The following UGGT1 variants were observed in gnomAD, a reference collection of about 807,000 sequenced individuals.
UGGT1 encodes UDP-glucose:glycoprotein glucosyltransferase 1.
UGGT1 carries 107 observed loss-of-function variants against 203.9 expected under a neutral mutation model. The ratio of observed to expected loss-of-function variants is 0.52; its 90% CI spans 0.45 to 0.62. UGGT1 has a LOEUF of 0.62. UGGT1 is among the 20% of genes least tolerant of loss of function. The pLI is 0.00. For missense variants in UGGT1, 1,673 were observed against 1,867.2 expected (o/e 0.90, Z 1.92); for synonymous variants, 628 against 653.5 (o/e 0.96, Z 0.59).
intron 33 of UGGT1, among the ~76,000 whole-genome samples, chr2:128,178,253 A>G (rs1263690373): frequency 6.6e-6 from 1 of 152,190 alleles, no homozygotes; most frequent in Non-Finnish European, 1.5e-5. Context: ...GTCTCTTCCT[A>G]AAACAACACT....
At chr2:128,128,784 G>A (rs540219581) in intron 12 of UGGT1, among the ~76,000 whole-genome samples, 74 of 152,210 alleles carry the variant, frequency 4.9e-4, no homozygotes, top group African/African-American at 1.6e-3. Context: ...TGAGATAATT[G>A]TAAATACATA....
At chr2:128,145,742 G>A in intron 17 of UGGT1, 61 bp from the exon 18 acceptor site, 1 of 1,416,880 alleles carries the variant, frequency 7.1e-7, no homozygotes, top group South Asian at 1.7e-5. Context: ...AAAATATGCT[G>A]TGTTCCATTT....
rs1398136360 is a variant in UGGT1 at position 128,129,188 on chromosome 2, T to C, written c.1377+9T>C. 1.2e-6 allele frequency: 2 copies of C among 1,600,136 alleles called. No individual in the cohort carries two copies. ...GGAGTCCTGCTATTTCAGTGAGTAT[T>C]TTGTTAGGGTGATCAAAGGACTTTC... is the stretch of plus-strand genomic sequence containing the variant. On this transcript the variant is annotated intron_variant, in intron 13 of 40. Transcript: ENST00000259253.
At chr2:128,166,323 AT>A (rs1690786954) in intron 26 of UGGT1, among the ~76,000 whole-genome samples, 1 of 152,036 alleles carries the variant, frequency 6.6e-6, no homozygotes, top group South Asian at 2.1e-4. Context: ...ACACGGTCAT[AT>A]TTTTTCCTGC....
chr2:128,131,663 C>G (rs1688884614), intron 13 of UGGT1, among the ~76,000 whole-genome samples: 2 of 152,190 alleles, frequency 1.3e-5, no homozygotes, highest in Admixed American at 1.3e-4. Context: ...CAGTCTCGCT[C>G]TCTTGCCAGG....
At chr2:128,186,860 T>C in intron 39 of UGGT1, 61 bp downstream of exon 39, 1 of 1,165,150 alleles carries the variant, frequency 8.6e-7, no homozygotes, top group South Asian at 1.5e-5. Flanking sequence ...TGAATCACGA[T>C]TAATGATTTT....
At chr2:128,139,802 C>G (rs1689318224) in intron 16 of UGGT1, 1 of 153,178 alleles carries the variant, frequency 6.5e-6, no homozygotes, top group Middle Eastern at 3.1e-3. Flanking sequence ...GCTGCACCTG[C>G]TCCACCTGCT....
chr2:128,119,939 C>CA (rs1199794998), intron 8 of UGGT1, among the ~76,000 whole-genome samples: 2 of 150,948 alleles, frequency 1.3e-5, no homozygotes, highest in South Asian at 2.1e-4. Context: ...TTCTTTCTTT[C>CA]TTTTTTTCTT....
At chr2:128,172,511 CTG>C in intron 28 of UGGT1, 60 bp from the exon 29 acceptor site, 1 of 1,539,800 alleles carries the variant, frequency 6.5e-7, no homozygotes, top group Admixed American at 1.7e-5. Flanking sequence ...TGTGTAAGGG[CTG>C]TGCACTCAAG....
chr2:128,187,520 C>T lies in UGGT1; in HGVS notation c.4548C>T (p.Tyr1516=), dbSNP rs373943322. 37 of 1,614,040 alleles carry T rather than the reference C, an allele frequency of 2.3e-5. No homozygotes were observed. In the African/African-American group the frequency reaches 3.1e-4, roughly 13 times the overall value. ...AVRIVPEWQD[Y]DQEIKQLQIR... is the part of the protein sequence containing the mutation. ...GGATTGTCCCGGAGTGGCAGGACTACGACCAAGAGATCAAACAGCTACAGA... is the reference window on the plus strand; with the variant it reads ...GGATTGTCCCGGAGTGGCAGGACTATGACCAAGAGATCAAACAGCTACAGA... Residue 1516 remains tyrosine, a synonymous_variant, in exon 40 of 41, where the codon TAC becomes TAT. Coordinates refer to ENST00000259253, the MANE Select transcript of UGGT1 (RefSeq NM_020120.4).
chr2:128,143,061 G>T (rs750096994), intron 16 of UGGT1, 33 bp from the exon 17 acceptor site: 1 of 1,544,030 alleles, frequency 6.5e-7, no homozygotes, highest in East Asian at 2.4e-5. Context: ...GAACTTAAAA[G>T]TGTAGTTAAC....
At chr2:128,152,724 A>G in intron 18 of UGGT1, 60 bp from the exon 19 acceptor site, 3 of 1,563,064 alleles carry the variant, frequency 1.9e-6, no homozygotes, top group Non-Finnish European at 2.6e-6. Flanking sequence ...TTCCTAATGA[A>G]TTATTATTGC....
At chr2:128,124,659 C>T (rs1688527355) in intron 11 of UGGT1, among the ~76,000 whole-genome samples, 1 of 144,712 alleles carries the variant, frequency 6.9e-6, no homozygotes, top group African/African-American at 2.6e-5. Flanking sequence ...TTTTAAAAGT[C>T]TCTTCTTTCC....
chr2:128,114,213 G>GC (rs1229625374), intron 6 of UGGT1, among the ~76,000 whole-genome samples: 3 of 152,138 alleles, frequency 2.0e-5, no homozygotes, highest in Non-Finnish European at 2.9e-5. Context: ...CGCCTCCTGA[G>GC]TTCAAGTGAC....
intron 1 of UGGT1, among the ~76,000 whole-genome samples, chr2:128,092,605 C>CTTTTT (rs55814829): frequency 1.3e-3 from 165 of 126,528 alleles, no homozygotes; most frequent in Non-Finnish European, 1.6e-3. Flanking sequence ...TTCTTTCTTT[C>CTTTTT]TTTTTTTTTT....
At chr2:128,170,129 T>C (rs1023603727) in intron 26 of UGGT1, among the ~76,000 whole-genome samples, 159 bp from the exon 27 acceptor site, 12 of 152,220 alleles carry the variant, frequency 7.9e-5, no homozygotes, top group African/African-American at 2.9e-4. Context: ...TTGCAATCTT[T>C]GGGATAGACA....
intron 24 of UGGT1, 105 bp downstream of exon 24, chr2:128,160,696 A>G: frequency 1.4e-6 from 2 of 1,454,822 alleles, no homozygotes; most frequent in Non-Finnish European, 1.8e-6. Flanking sequence ...TCTTTTTTCA[A>G]AGGTGATTGG....
intron 31 of UGGT1, among the ~76,000 whole-genome samples, chr2:128,176,466 G>A (rs1336443480): frequency 1.3e-5 from 2 of 151,894 alleles, no homozygotes; most frequent in Non-Finnish European, 2.9e-5. Flanking sequence ...AATGGTTCAG[G>A]GGGCCTGTTC....
At chr2:128,114,705 T>G (rs1307391193) in intron 6 of UGGT1, among the ~76,000 whole-genome samples, 1 of 152,216 alleles carries the variant, frequency 6.6e-6, no homozygotes, top group Non-Finnish European at 1.5e-5. Context: ...CTTTTTCTCT[T>G]TCTCCATTTC....
Sources: allele counts gnomAD v4.1 joint callset (sites outside exome capture counted in the v4.1 genomes callset), GRCh38; gene constraint gnomAD v4.1.1; transcripts MANE v1.5; gene names NCBI Gene and HGNC (gene_info 2026-07-23, HGNC 2026-07-21).